The following PEX5L variants were observed in gnomAD, a reference collection of about 807,000 sequenced individuals.
PEX5L encodes the protein peroxisomal biogenesis factor 5 like.
Under a neutral mutation model 84.0 loss-of-function variants are expected in PEX5L, and 30 were observed. The observed-to-expected ratio is 0.36, with a 90% CI of 0.27 to 0.48. PEX5L has a LOEUF of 0.48. PEX5L is among the 20% of genes least tolerant of loss of function. PEX5L has a pLI of 0.99. For synonymous variants in PEX5L, 270 were observed against 283.1 expected (o/e 0.95, Z 0.46); for missense variants, 533 against 754.6 (o/e 0.71, Z 3.44).
intron 4 of PEX5L, among the ~76,000 whole-genome samples, chr3:179,881,961 C>T (rs1754294802): frequency 6.6e-6 from 1 of 151,976 alleles, no homozygotes; most frequent in Non-Finnish European, 1.5e-5. Flanking sequence ...AGCTGCCTGG[C>T]TTTATGTCTA....
intron 1 of PEX5L, among the ~76,000 whole-genome samples, chr3:180,006,209 C>T (rs962935107): frequency 6.6e-6 from 1 of 152,148 alleles, no homozygotes; most frequent in African/African-American, 2.4e-5. Flanking sequence ...CAGTCTATGA[C>T]ATTGTTAATT....
At chr3:179,867,419 T>C (rs1005915846) in intron 7 of PEX5L, among the ~76,000 whole-genome samples, 2 of 152,150 alleles carry the variant, frequency 1.3e-5, no homozygotes, top group African/African-American at 4.8e-5. Context: ...ACAGATTTCC[T>C]ACTGTGCTGG....
At chr3:180,025,669 G>A (rs1790881992) in intron 1 of PEX5L, among the ~76,000 whole-genome samples, 1 of 151,944 alleles carries the variant, frequency 6.6e-6, no homozygotes, top group Admixed American at 6.6e-5. Context: ...AGGAATTGAG[G>A]ACGAGGAAAT....
At chr3:179,938,813 G>A (rs78931348) in intron 2 of PEX5L, among the ~76,000 whole-genome samples, 2,427 of 152,270 alleles carry the variant, frequency 0.016, 70 homozygotes, top group African/African-American at 0.056. Flanking sequence ...AATGCTTTAA[G>A]ACCTGCAGCT....
intron 4 of PEX5L, among the ~76,000 whole-genome samples, chr3:179,882,034 T>C (rs1278135554): frequency 1.3e-5 from 2 of 152,224 alleles, no homozygotes; most frequent in African/African-American, 4.8e-5. Flanking sequence ...ATCCACTGAA[T>C]GGTCAAATAG....
intron 14 of PEX5L, among the ~76,000 whole-genome samples, chr3:179,803,234 T>A (rs1257887671): frequency 6.6e-6 from 1 of 152,224 alleles, no homozygotes; most frequent in Non-Finnish European, 1.5e-5. Flanking sequence ...ATGTCACTTT[T>A]CCCACTAGAC....
intron 1 of PEX5L, among the ~76,000 whole-genome samples, chr3:180,007,490 C>T (rs147604151): frequency 6.4e-4 from 98 of 152,284 alleles, no homozygotes; most frequent in African/African-American, 2.2e-3. Context: ...TCTCGCAGCT[C>T]GATTAGGCAG....
intron 2 of PEX5L, among the ~76,000 whole-genome samples, chr3:179,936,457 T>G (rs1038618471): frequency 6.6e-6 from 1 of 152,190 alleles, no homozygotes; most frequent in African/African-American, 2.4e-5. Flanking sequence ...GTGCCTGGCA[T>G]TTAGGAAATG....
chr3:179,891,230 T>TA (rs1757528911), intron 3 of PEX5L, among the ~76,000 whole-genome samples: 1 of 152,164 alleles, frequency 6.6e-6, no homozygotes, highest in South Asian at 2.1e-4. Flanking sequence ...ATGGAACTGT[T>TA]ATAACTGCCT....
intron 2 of PEX5L, among the ~76,000 whole-genome samples, chr3:179,929,843 GC>G (rs1772529180): frequency 1.3e-5 from 2 of 152,154 alleles, no homozygotes; most frequent in South Asian, 4.1e-4. Flanking sequence ...CCGGTGACCT[GC>G]GTAGACCTAT....
chr3:179,975,172 G>A (rs536998448), intron 1 of PEX5L, among the ~76,000 whole-genome samples: 5 of 152,256 alleles, frequency 3.3e-5, no homozygotes, highest in South Asian at 2.1e-4. Context: ...CTGGGTGACA[G>A]AGTGAGACCC....
At chr3:180,001,513 G>T (rs1051940492) in intron 1 of PEX5L, among the ~76,000 whole-genome samples, 20 of 150,938 alleles carry the variant, frequency 1.3e-4, no homozygotes, top group Admixed American at 8.6e-4. Flanking sequence ...TGTTGTCATT[G>T]CTCATAGAGG....
chr3:179,927,538 A>G (rs1352632309), intron 2 of PEX5L, among the ~76,000 whole-genome samples: 1 of 152,160 alleles, frequency 6.6e-6, no homozygotes, highest in African/African-American at 2.4e-5. Context: ...AAAAATTGGA[A>G]GTCTACATTG....
chr3:180,029,781 T>G (rs1011280564), intron 1 of PEX5L, among the ~76,000 whole-genome samples: 2 of 152,154 alleles, frequency 1.3e-5, no homozygotes, highest in African/African-American at 4.8e-5. Flanking sequence ...AGGTCTGGAG[T>G]TGGACTTGAG....
At chr3:179,812,014 T>C (rs1009511517) in intron 10 of PEX5L, 143 bp from the exon 11 acceptor site, 5 of 650,870 alleles carry the variant, frequency 7.7e-6, no homozygotes, top group Non-Finnish European at 1.4e-5. Context: ...AAAAATATTG[T>C]ATGCATTTCT....
intron 8 of PEX5L, among the ~76,000 whole-genome samples, chr3:179,827,237 T>C (rs1250357331): frequency 6.6e-6 from 1 of 152,214 alleles, no homozygotes; most frequent in Non-Finnish European, 1.5e-5. Flanking sequence ...GGCGTGACTT[T>C]TGAGGCTAGG....
intron 1 of PEX5L, 126 bp from the exon 2 acceptor site, chr3:179,971,791 T>C (rs982933824): frequency 2.1e-6 from 2 of 941,640 alleles, no homozygotes; most frequent in Non-Finnish European, 2.9e-6. Flanking sequence ...ATTCTTTATA[T>C]AAATTGCTCA....
At chr3:179,942,456 G>C (rs886443433) in intron 2 of PEX5L, among the ~76,000 whole-genome samples, 1 of 152,240 alleles carries the variant, frequency 6.6e-6, no homozygotes, top group Non-Finnish European at 1.5e-5. Context: ...GCCTGTGACC[G>C]CGCCCGCTGC....
chr3:180,035,903 C>T (rs1791865078), intron 1 of PEX5L, among the ~76,000 whole-genome samples: 1 of 152,192 alleles, frequency 6.6e-6, no homozygotes, highest in Non-Finnish European at 1.5e-5. Flanking sequence ...TTAAAGTAAT[C>T]TTGCCCAAGA....
Sources: allele counts gnomAD v4.1 joint callset (sites outside exome capture counted in the v4.1 genomes callset), GRCh38; gene constraint gnomAD v4.1.1; transcripts MANE v1.5; gene names NCBI Gene and HGNC (gene_info 2026-07-23, HGNC 2026-07-21).